Variants in OR2L13 observed in about 807,000 individuals in gnomAD.
OR2L13 encodes the protein olfactory receptor 2L13.
Under a neutral mutation model 15.3 loss-of-function variants are expected in OR2L13, and 14 were observed. The ratio of observed to expected loss-of-function variants is 0.91; its 90% confidence interval spans 0.60 to 1.43. The LOEUF (loss-of-function observed/expected upper bound fraction) is 1.43, where lower values mean the gene tolerates loss of function less well. OR2L13 is among the 40% of genes most tolerant of loss of function. The pLI is 0.00. For synonymous variants in OR2L13, 152 were observed against 142.9 expected, an observed-to-expected ratio of 1.06 and a Z score of -0.45; for missense variants, 367 against 387.9, an observed-to-expected ratio of 0.95 and a Z score of 0.45.
chr1:247,984,893 C>A, the OR2L13 span, among the ~76,000 whole-genome samples: 1 of 152,188 alleles, frequency 6.6e-6, no homozygotes, highest in Admixed American at 6.5e-5. Flanking sequence ...TCCCTGTCTC[C>A]CTTCTGCTAT....
chr1:247,960,480 C>A, the OR2L13 span, among the ~76,000 whole-genome samples: 724 of 152,284 alleles, frequency 4.8e-3, 4 homozygotes, highest in African/African-American at 0.016. Flanking sequence ...CAGACAGGGA[C>A]CTTTAAGTCT....
chr1:247,991,030 G>T, the OR2L13 span: 4 of 1,544,336 alleles, frequency 2.6e-6, no homozygotes, highest in East Asian at 2.3e-5. Context: ...TGCACCCTTT[G>T]CTTATACCTA....
At chr1:248,067,173 T>A in the OR2L13 span, among the ~76,000 whole-genome samples, 1 of 152,254 alleles carries the variant, frequency 6.6e-6, no homozygotes, top group Non-Finnish European at 1.5e-5. Context: ...CTAGAAATTT[T>A]ACCTTTTCAA....
upstream of OR2L13, among the ~76,000 whole-genome samples, chr1:248,092,244 C>T (rs190404902): frequency 1.3e-5 from 2 of 152,242 alleles, no homozygotes; most frequent in Admixed American, 1.3e-4. Context: ...TGACTTCCTT[C>T]CTTCCTGTTT....
At chr1:247,993,626 T>C in the OR2L13 span, among the ~76,000 whole-genome samples, 3 of 152,100 alleles carry the variant, frequency 2.0e-5, no homozygotes, top group African/African-American at 4.8e-5. Context: ...AAGTTTGTTG[T>C]ATGCATGATA....
chr1:248,025,151 G>C, the OR2L13 span, among the ~76,000 whole-genome samples: 36 of 147,948 alleles, frequency 2.4e-4, no homozygotes, highest in Admixed American at 1.1e-3. Context: ...TACCATCAGA[G>C]TGAACAGGCA....
the OR2L13 span, among the ~76,000 whole-genome samples, chr1:248,049,034 A>G: frequency 6.6e-6 from 1 of 151,586 alleles, no homozygotes; most frequent in African/African-American, 2.4e-5. Flanking sequence ...TTTCTTTGAG[A>G]ATAGCTTTGA....
At chr1:247,956,364 A>C in the OR2L13 span, among the ~76,000 whole-genome samples, 4 of 151,328 alleles carry the variant, frequency 2.6e-5, no homozygotes, top group Non-Finnish European at 5.9e-5. Context: ...GTATAGTTTG[A>C]AGTCAGGTAG....
the OR2L13 span, among the ~76,000 whole-genome samples, chr1:247,977,689 C>T: frequency 6.6e-6 from 1 of 152,144 alleles, no homozygotes; most frequent in Non-Finnish European, 1.5e-5. Flanking sequence ...GTCAGGTAGC[C>T]CTTCTCACAG....
chr1:248,018,661 C>G, the OR2L13 span, among the ~76,000 whole-genome samples: 1 of 152,108 alleles, frequency 6.6e-6, no homozygotes, highest in Non-Finnish European at 1.5e-5. Context: ...TTAAGATAAA[C>G]TGCACCATTT....
At chr1:248,025,162 A>G in the OR2L13 span, among the ~76,000 whole-genome samples, 3 of 147,762 alleles carry the variant, frequency 2.0e-5, no homozygotes, top group Non-Finnish European at 4.4e-5. Flanking sequence ...TGAACAGGCA[A>G]CCTACAAAAT....
At chr1:247,941,026 CTTG>C in the OR2L13 span, among the ~76,000 whole-genome samples, 1 of 151,904 alleles carries the variant, frequency 6.6e-6, no homozygotes, top group African/African-American at 2.4e-5. Context: ...TTTTCGTATG[CTTG>C]TTGGCCACTT....
At chr1:248,048,066 C>T in the OR2L13 span, among the ~76,000 whole-genome samples, 2 of 152,284 alleles carry the variant, frequency 1.3e-5, no homozygotes, top group Non-Finnish European at 2.9e-5. Flanking sequence ...AGAGTAAGCA[C>T]GTCCTCATTC....
At chr1:248,026,010 A>AAC in the OR2L13 span, among the ~76,000 whole-genome samples, 1 of 152,100 alleles carries the variant, frequency 6.6e-6, no homozygotes. Context: ...ATGAGGAGTT[A>AAC]ATGAGTGCAG....
the OR2L13 span, among the ~76,000 whole-genome samples, chr1:247,992,167 C>G: frequency 6.7e-6 from 1 of 149,270 alleles, no homozygotes; most frequent in Non-Finnish European, 1.5e-5. Flanking sequence ...CATGACAAAC[C>G]ACATTCACTA....
the OR2L13 span, chr1:248,022,789 C>T: frequency 1.2e-6 from 2 of 1,613,990 alleles, no homozygotes; most frequent in East Asian, 2.2e-5. Context: ...ACCATCCTCA[C>T]CCCAATGCTC....
chr1:248,041,823 C>A, the OR2L13 span: 2 of 152,190 alleles, frequency 1.3e-5, no homozygotes, highest in African/African-American at 4.8e-5. Flanking sequence ...CCATCTCACA[C>A]CAGTTAGAAT....
the OR2L13 span, among the ~76,000 whole-genome samples, chr1:247,986,030 T>C: frequency 1.3e-5 from 2 of 152,220 alleles, no homozygotes; most frequent in Non-Finnish European, 2.9e-5. Flanking sequence ...GATGAGTAGA[T>C]TGCAAAAAAT....
the OR2L13 span, chr1:248,051,118 A>G: frequency 2.0e-5 from 3 of 152,162 alleles, no homozygotes; most frequent in African/African-American, 4.8e-5. Context: ...AAACAATTTC[A>G]TTGTCTCCAA....
Sources: allele counts gnomAD v4.1 joint callset (sites outside exome capture counted in the v4.1 genomes callset), GRCh38; gene constraint gnomAD v4.1.1; transcripts MANE v1.5; gene names NCBI Gene and HGNC (gene_info 2026-07-23, HGNC 2026-07-21).